Variants in LAMA2 observed in about 807,000 individuals in gnomAD.
LAMA2 encodes laminin subunit alpha 2.
In LAMA2, 269 loss-of-function variants were observed where a neutral mutation model predicts 364.8. The observed-to-expected ratio is 0.74, with a 90% confidence interval of 0.67 to 0.82. The LOEUF (loss-of-function observed/expected upper bound fraction) is 0.82. Ranked by LOEUF, LAMA2 falls within the 40% of genes least tolerant of loss-of-function variation. The pLI, the probability that LAMA2 is intolerant of heterozygous loss-of-function variation, is 0.00. For missense variants in LAMA2, 3,807 were observed against 3,873.2 expected, an observed-to-expected ratio of 0.98 and a Z score of 0.45; for synonymous variants, 1,379 against 1,370.6, an observed-to-expected ratio of 1.01 and a Z score of -0.14.
chr6:129,297,606 G>T (rs1375967955), intron 20 of LAMA2, 79 bp from the exon 21 acceptor site: 1 of 1,345,418 alleles, frequency 7.4e-7, no homozygotes, highest in Non-Finnish European at 1.1e-6. Flanking sequence ...GTTCCCACCT[G>T]ATCTTTGGTA....
intron 15 of LAMA2, among the ~76,000 whole-genome samples, chr6:129,264,660 A>G (rs1413445026): frequency 6.6e-6 from 1 of 152,134 alleles, no homozygotes; most frequent in Non-Finnish European, 1.5e-5. Flanking sequence ...AAAGCAGAGG[A>G]GACAGCAAAG....
intron 4 of LAMA2, among the ~76,000 whole-genome samples, chr6:129,137,481 T>C (rs569716482): frequency 1.6e-4 from 24 of 152,218 alleles, no homozygotes; most frequent in African/African-American, 4.1e-4. Context: ...TAATCCTTCA[T>C]TGATTTACCT....
chr6:129,158,655 A>C (rs971431902), intron 8 of LAMA2: 1 of 1,614,092 alleles, frequency 6.2e-7, no homozygotes, highest in African/African-American at 1.3e-5. Flanking sequence ...AGAAATGAGC[A>C]AAACCAGCCA....
chr6:128,894,015 G>T (rs999988307), intron 1 of LAMA2, among the ~76,000 whole-genome samples: 2 of 152,006 alleles, frequency 1.3e-5, no homozygotes, highest in African/African-American at 4.8e-5. Flanking sequence ...TAAGCTATTG[G>T]AAAAAAGAGG....
intron 12 of LAMA2, among the ~76,000 whole-genome samples, chr6:129,222,533 C>T (rs1047295065): frequency 1.5e-5 from 2 of 135,838 alleles, no homozygotes; most frequent in Non-Finnish European, 3.1e-5. Context: ...TGATGTTCCC[C>T]TTCCTGTGTC....
At chr6:129,218,612 A>G (rs1444490736) in intron 12 of LAMA2, among the ~76,000 whole-genome samples, 1 of 152,142 alleles carries the variant, frequency 6.6e-6, no homozygotes, top group Non-Finnish European at 1.5e-5. Context: ...ACTTTCTGAA[A>G]ATTGACTATA....
intron 12 of LAMA2, among the ~76,000 whole-genome samples, chr6:129,233,495 GAA>G (rs1449122362): frequency 6.6e-6 from 1 of 152,020 alleles, no homozygotes; most frequent in East Asian, 1.9e-4. Flanking sequence ...GTGTTAGAGA[GAA>G]AAGAAAATAC....
At chr6:129,030,993 T>G (rs1026599963) in intron 1 of LAMA2, among the ~76,000 whole-genome samples, 76 of 152,342 alleles carry the variant, frequency 5.0e-4, no homozygotes, top group Admixed American at 2.0e-3. Flanking sequence ...TCTGAGAGTT[T>G]ATATGTGCTT....
At position 129,260,712 on chromosome 6, in the gene LAMA2, T is replaced by A. The variant is rs1472971454; in HGVS notation, c.2098T>A (p.Leu700Met). ...CATCTCTTTTTTCCTCTGCCATAGG[T>A]TGAGCTCTGTTAACCTTGAATCCGC... is the stretch of plus-strand genomic sequence containing the variant. ...YSFGMDAIFR[L>M]SSVNLESAVS... The change falls in exon 15 of 65, where the codon TTG (leucine) becomes ATG (methionine). Residue 700 changes from leucine to methionine, a missense_variant and splice_region_variant. Physicochemically the swap from Leu to Met is conservative, Grantham distance 15. Around this residue, in one of 3 missense-constraint regions of LAMA2, gnomAD observed 3,333 missense variants for 3,345.7 expected, o/e 1.00. Coordinates refer to ENST00000421865, the MANE Select transcript of LAMA2 (RefSeq NM_000426.4). The A allele has an allele frequency of 4.4e-6, 7 of 1,596,290 alleles. No homozygotes were observed. The highest frequency in any genetic ancestry group is 6.0e-6 in the Non-Finnish European group (7 of 1,164,022).
intron 7 of LAMA2, among the ~76,000 whole-genome samples, chr6:129,152,735 C>T (rs1372635661): frequency 6.6e-6 from 1 of 152,144 alleles, no homozygotes; most frequent in Non-Finnish European, 1.5e-5. Flanking sequence ...CTTGTCCTCC[C>T]AGTATGTGTG....
intron 50 of LAMA2, 78 bp from the exon 51 acceptor site, chr6:129,465,067 T>A (rs1783471014): frequency 1.6e-6 from 2 of 1,218,090 alleles, no homozygotes; most frequent in Admixed American, 1.7e-5. Flanking sequence ...GACCCTAACA[T>A]AAACCACACA....
At chr6:129,314,600 A>G in intron 23 of LAMA2, 55 bp from the exon 24 acceptor site, 1 of 1,572,330 alleles carries the variant, frequency 6.4e-7, no homozygotes. Context: ...TCTCAGGGTG[A>G]TTTCTCCCCT....
intron 32 of LAMA2, among the ~76,000 whole-genome samples, chr6:129,361,182 G>A (rs1562492982): frequency 6.6e-6 from 1 of 152,126 alleles, no homozygotes; most frequent in African/African-American, 2.4e-5. Flanking sequence ...AGGAACATCT[G>A]CCCAAAATAC....
At chr6:129,329,213 C>G (rs530555755) in intron 29 of LAMA2, among the ~76,000 whole-genome samples, 1 of 152,198 alleles carries the variant, frequency 6.6e-6, no homozygotes, top group Non-Finnish European at 1.5e-5. Context: ...TTCTACTGAG[C>G]CTTGTGGAAC....
chr6:129,128,584 G>T (rs1214822946), intron 4 of LAMA2, among the ~76,000 whole-genome samples: 1 of 152,136 alleles, frequency 6.6e-6, no homozygotes, highest in Non-Finnish European at 1.5e-5. Flanking sequence ...ATTGCTTTGG[G>T]TATTATGAAC....
At chr6:129,029,019 A>G (rs1786033479) in intron 1 of LAMA2, among the ~76,000 whole-genome samples, 1 of 151,910 alleles carries the variant, frequency 6.6e-6, no homozygotes, top group Non-Finnish European at 1.5e-5. Context: ...TTTTCTAGAT[A>G]TGATCTTAGA....
At chr6:129,151,149 G>A (rs1026459155) in intron 7 of LAMA2, among the ~76,000 whole-genome samples, 1 of 152,140 alleles carries the variant, frequency 6.6e-6, no homozygotes, top group African/African-American at 2.4e-5. Flanking sequence ...GAGCGGGGTA[G>A]GCTGCAGCCT....
chr6:128,961,316 ATGATATATATATATATATAT>A (rs1456944159), intron 1 of LAMA2, among the ~76,000 whole-genome samples: 5 of 66,806 alleles, frequency 7.5e-5, no homozygotes, highest in South Asian at 6.2e-4. Context: ...CAGAACTAAT[ATGATATATATATATATATAT>A]ATATATATAT....
At chr6:129,007,494 C>T (rs1784513895) in intron 1 of LAMA2, among the ~76,000 whole-genome samples, 2 of 152,116 alleles carry the variant, frequency 1.3e-5, no homozygotes, top group African/African-American at 4.8e-5. Context: ...AATGTAAATC[C>T]TCTGTGGCAC....
Sources: gnomAD v4.1 joint callset for allele counts (sites outside exome capture counted in the v4.1 genomes callset) on GRCh38, gnomAD v4.1.1 for gene constraint, gnomAD v4.1.1 regional missense constraint, MANE v1.5 for transcripts, NCBI Gene and HGNC (gene_info 2026-07-23, HGNC 2026-07-21) for gene names.